TCF12: variants seen among roughly 807,000 people sequenced by gnomAD.
The protein encoded by TCF12 is transcription factor 12, also known as DNA-binding protein HTF4.
A neutral mutation model predicts 86.0 loss-of-function variants in TCF12; 45 were observed. The ratio of observed to expected loss-of-function variants is 0.52; its 90% CI spans 0.41 to 0.67. TCF12 has a LOEUF of 0.67. Among genes scored for constraint, TCF12 ranks in the 30% least tolerant of loss-of-function variants. The pLI is 0.00. For synonymous variants in TCF12, 330 were observed against 299.6 expected, an observed-to-expected ratio of 1.10 and a Z score of -1.05; for missense variants, 881 against 859.9, an observed-to-expected ratio of 1.02 and a Z score of -0.31.
At chr15:57,067,951 A>G (rs1215643101) in intron 4 of TCF12, among the ~76,000 whole-genome samples, 1 of 152,158 alleles carries the variant, frequency 6.6e-6, no homozygotes, top group Non-Finnish European at 1.5e-5. Context: ...TCTTTATTGC[A>G]TAGAAATGTT....
At chr15:57,055,557 G>A (rs911326636) in intron 3 of TCF12, among the ~76,000 whole-genome samples, 1 of 152,034 alleles carries the variant, frequency 6.6e-6, no homozygotes, top group Non-Finnish European at 1.5e-5. Flanking sequence ...GCTGAGTATA[G>A]AATTGGTTGA....
At chr15:57,085,010 T>G (rs1394855857) in intron 4 of TCF12, among the ~76,000 whole-genome samples, 3 of 152,208 alleles carry the variant, frequency 2.0e-5, no homozygotes, top group African/African-American at 7.2e-5. Flanking sequence ...ATCTCATGTA[T>G]CCAGCATATT....
chr15:56,958,108 C>T (rs974122176), intron 3 of TCF12, among the ~76,000 whole-genome samples: 3 of 152,168 alleles, frequency 2.0e-5, no homozygotes, highest in Non-Finnish European at 2.9e-5. Context: ...CTCAAATGCA[C>T]GTGCCAGTTA....
intron 3 of TCF12, among the ~76,000 whole-genome samples, chr15:57,036,322 A>T (rs1474181812): frequency 2.6e-5 from 4 of 152,122 alleles, no homozygotes; most frequent in South Asian, 2.1e-4. Flanking sequence ...GAGATATTTT[A>T]AAGGGGAGGT....
chr15:57,179,625 T>C (rs12912210), intron 6 of TCF12, among the ~76,000 whole-genome samples: 57,769 of 151,558 alleles, frequency 0.38, 13,703 homozygotes, highest in Non-Finnish European at 0.53. Flanking sequence ...CATGACACTT[T>C]ATAGACAATA....
chr15:56,970,809 G>A (rs200192989), intron 3 of TCF12, among the ~76,000 whole-genome samples: 2 of 152,178 alleles, frequency 1.3e-5, no homozygotes, highest in East Asian at 3.9e-4. Context: ...CAGCGCTTTG[G>A]GAACCTGAGG....
chr15:57,134,504 C>T (rs1007347026), intron 5 of TCF12: 3 of 152,110 alleles, frequency 2.0e-5, no homozygotes, highest in Non-Finnish European at 2.9e-5. Flanking sequence ...GTGCCAGGTA[C>T]GAAAGGCTTC....
At chr15:57,254,042 A>T (rs2060235573) in intron 16 of TCF12, among the ~76,000 whole-genome samples, 1 of 152,228 alleles carries the variant, frequency 6.6e-6, no homozygotes, top group African/African-American at 2.4e-5. Flanking sequence ...TTCTACAGCC[A>T]TACACATCAA....
At chr15:57,225,848 T>C (rs1170235831) in intron 8 of TCF12, among the ~76,000 whole-genome samples, 4 of 123,340 alleles carry the variant, frequency 3.2e-5, no homozygotes, top group Admixed American at 7.9e-5. Flanking sequence ...TCAATTTATT[T>C]ATTTATTCAT....
chr15:57,037,728 A>G (rs1300573215), intron 3 of TCF12, among the ~76,000 whole-genome samples: 1 of 152,154 alleles, frequency 6.6e-6, no homozygotes, highest in Non-Finnish European at 1.5e-5. Flanking sequence ...CAATTTTAGT[A>G]CTGATTTCCG....
chr15:56,960,593 C>G (rs2061702960), intron 3 of TCF12, among the ~76,000 whole-genome samples: 1 of 151,930 alleles, frequency 6.6e-6, no homozygotes, highest in African/African-American at 2.4e-5. Flanking sequence ...CCATGCACGG[C>G]TAATTTTTGT....
intron 5 of TCF12, among the ~76,000 whole-genome samples, chr15:57,159,199 G>C (rs2054324972): frequency 6.6e-6 from 1 of 152,212 alleles, no homozygotes; most frequent in African/African-American, 2.4e-5. Context: ...TGGGGTCATT[G>C]ATGTTAAGCG....
At chr15:57,172,285 A>G (rs1285135782) in intron 6 of TCF12, among the ~76,000 whole-genome samples, 2 of 152,232 alleles carry the variant, frequency 1.3e-5, no homozygotes, top group Admixed American at 1.3e-4. Flanking sequence ...ACAAATTGAC[A>G]ATCATGCTTG....
intron 7 of TCF12, among the ~76,000 whole-genome samples, chr15:57,194,689 A>G (rs530430326): frequency 6.6e-6 from 1 of 152,282 alleles, no homozygotes; most frequent in African/African-American, 2.4e-5. Flanking sequence ...AATAATGGCT[A>G]AAATTTGTTC....
chr15:57,118,071 C>T (rs2050964582), intron 5 of TCF12, among the ~76,000 whole-genome samples: 1 of 152,120 alleles, frequency 6.6e-6, no homozygotes. Context: ...ATTGGCTCTG[C>T]AGTGTCTAGG....
intron 5 of TCF12, among the ~76,000 whole-genome samples, chr15:57,140,993 C>A (rs1380284312): frequency 6.6e-6 from 1 of 152,060 alleles, no homozygotes; most frequent in South Asian, 2.1e-4. Context: ...CTTTGGATAT[C>A]TCTGGTAGGT....
rs2059122130 is a variant in TCF12 at position 57,231,184 on chromosome 15, C to T, written c.612C>T (p.Phe204=). 2 of 1,613,088 alleles carry T rather than the reference C, an allele frequency of 1.2e-6. No individual in the cohort carries two copies. Among genetic ancestry groups the T allele is most frequent in the Middle Eastern group, 1.7e-4 (1 of 6,054 alleles). Residue 204 remains phenylalanine (F), a synonymous_variant, in exon 9 of 21, where the codon TTC becomes TTT. Coordinates refer to ENST00000333725, the MANE Select transcript of TCF12 (RefSeq NM_207037.2). Reference sequence around the variant, plus strand: ...CACCATCCCCAAATTCAGATGATTTCAACCGTGAATCTCCTAGTTATCCAT... The same window carrying T: ...CACCATCCCCAAATTCAGATGATTTTAACCGTGAATCTCCTAGTTATCCAT... ...VYAPSPNSDD[F]NRESPSYPSP...
intron 13 of TCF12, among the ~76,000 whole-genome samples, chr15:57,244,331 T>C (rs1335603965): frequency 6.6e-6 from 1 of 152,158 alleles, no homozygotes; most frequent in African/African-American, 2.4e-5. Context: ...AGTCTGTTTT[T>C]ATTTTTAGGT....
Position 57,219,202 on chromosome 15 carries a change from T to A in TCF12, c.580-11950T>A, listed in dbSNP as rs2058462871. 5.5e-6 allele frequency: 6 copies of A among 1,093,942 alleles called. No homozygotes were observed. In the South Asian group the frequency reaches 2.6e-4, roughly 48 times the overall value. The allele number at this position is 1,093,942 out of a possible 1,614,324, so 67.8% of individuals were successfully genotyped here. A position where few individuals can be genotyped will look rare whatever the true frequency, so the allele number is the denominator to read the frequency against. On this transcript the variant is annotated intron_variant, in intron 8 of 20. Transcript: ENST00000333725. ...GTATATATGAGACAAATCTAATAAT[T>A]TCTTGGGTTATTTTTATTCAGGGCA...
Sources: gnomAD v4.1 joint callset for allele counts (sites outside exome capture counted in the v4.1 genomes callset) on GRCh38, gnomAD v4.1.1 for gene constraint, MANE v1.5 for transcripts, NCBI Gene and HGNC (gene_info 2026-07-23, HGNC 2026-07-21) for gene names.